METTL8: variants seen among roughly 807,000 people sequenced by gnomAD.
METTL8 encodes the protein tRNA N(3)-cytidine methyltransferase METTL8, mitochondrial.
A neutral mutation model predicts 48.7 loss-of-function variants in METTL8; 32 were observed. That is an observed-to-expected ratio of 0.66 (90% CI 0.50 to 0.88). The LOEUF (loss-of-function observed/expected upper bound fraction) is 0.88, where lower values mean the gene tolerates loss of function less well. METTL8 is among the 40% of genes least tolerant of loss of function. The pLI, the probability that METTL8 is intolerant of heterozygous loss-of-function variation, is 0.00. For synonymous variants in METTL8, 136 were observed against 157.1 expected (o/e 0.87, Z 1.01); for missense variants, 464 against 474.4 (o/e 0.98, Z 0.20).
intron 1 of METTL8, among the ~76,000 whole-genome samples, chr2:171,398,982 C>T (rs1689386070): frequency 6.6e-6 from 1 of 152,142 alleles, no homozygotes; most frequent in South Asian, 2.1e-4. Flanking sequence ...TTAAAATTTA[C>T]TATGTGAAAA....
At chr2:171,420,078 C>T (rs967678436) in intron 1 of METTL8, among the ~76,000 whole-genome samples, 5 of 151,974 alleles carry the variant, frequency 3.3e-5, no homozygotes, top group East Asian at 3.9e-4. Context: ...TGGCTGGGCA[C>T]GGTGGCTCAC....
chr2:171,363,645 T>C (rs375382607), intron 2 of METTL8, among the ~76,000 whole-genome samples: 1 of 150,898 alleles, frequency 6.6e-6, no homozygotes, highest in African/African-American at 2.4e-5. Flanking sequence ...AGCAAAAAAT[T>C]AGAAACAACT....
upstream of METTL8, chr2:171,434,586 G>T: frequency 1.3e-6 from 2 of 1,527,544 alleles, no homozygotes; most frequent in South Asian, 1.2e-5. Context: ...CCATGGGCCC[G>T]ACCCGGAAGC....
At chr2:171,387,797 T>C (rs966440313) in intron 2 of METTL8, among the ~76,000 whole-genome samples, 1 of 152,050 alleles carries the variant, frequency 6.6e-6, no homozygotes, top group African/African-American at 2.4e-5. Context: ...GTAGAACTAA[T>C]TAATTAAAAA....
intron 6 of METTL8, 91 bp downstream of exon 6, chr2:171,331,700 AGCCACCACGCCCT>A: frequency 1.1e-6 from 1 of 890,186 alleles, no homozygotes. Context: ...TACAGGTGTG[AGCCACCACGCCCT>A]GCCTCTAGTG....
chr2:171,369,563 T>C (rs891000676), intron 2 of METTL8, among the ~76,000 whole-genome samples: 3 of 152,244 alleles, frequency 2.0e-5, no homozygotes, highest in Non-Finnish European at 4.4e-5. Flanking sequence ...AATAAATGTT[T>C]TCATGTCTGA....
intron 2 of METTL8, among the ~76,000 whole-genome samples, chr2:171,373,419 A>G (rs963573185): frequency 3.3e-5 from 5 of 152,088 alleles, no homozygotes; most frequent in African/African-American, 9.7e-5. Context: ...ATTTTCTCCC[A>G]TTCTGTAGGT....
chr2:171,351,283 T>C (rs1271309032), intron 3 of METTL8, among the ~76,000 whole-genome samples: 5 of 151,994 alleles, frequency 3.3e-5, no homozygotes, highest in Non-Finnish European at 5.9e-5. Context: ...AGATGTGTGG[T>C]ATTATTTCTG....
chr2:171,387,628 A>G (rs531961273), intron 2 of METTL8, among the ~76,000 whole-genome samples: 38 of 151,966 alleles, frequency 2.5e-4, no homozygotes, highest in African/African-American at 9.2e-4. Context: ...ATTTTCATTC[A>G]CTTTTAACAT....
chr2:171,403,731 T>C (rs1044246468), intron 1 of METTL8, among the ~76,000 whole-genome samples: 3 of 151,954 alleles, frequency 2.0e-5, no homozygotes, highest in African/African-American at 7.3e-5. Flanking sequence ...AAAAGTGTTC[T>C]AAAATTAAAA....
chr2:171,340,960 G>A (rs1021408521), intron 3 of METTL8, among the ~76,000 whole-genome samples: 33 of 152,196 alleles, frequency 2.2e-4, no homozygotes, highest in African/African-American at 8.0e-4. Context: ...GTCATCCTGT[G>A]GTCAGGGTTA....
chr2:171,417,059 A>G (rs1041244449), intron 1 of METTL8, among the ~76,000 whole-genome samples: 1 of 152,368 alleles, frequency 6.6e-6, no homozygotes, highest in Non-Finnish European at 1.5e-5. Context: ...TCAGCTTAAC[A>G]AGGGAAGTGG....
At chr2:171,402,150 A>T (rs1160441216) in intron 1 of METTL8, among the ~76,000 whole-genome samples, 1 of 152,174 alleles carries the variant, frequency 6.6e-6, no homozygotes, top group Non-Finnish European at 1.5e-5. Flanking sequence ...AAGAATGAGT[A>T]ACATTCCACG....
chr2:171,363,817 T>TATATATATATGTATATATATATATATATA (rs1228494441), intron 2 of METTL8, among the ~76,000 whole-genome samples: 3 of 129,008 alleles, frequency 2.3e-5, no homozygotes, highest in Non-Finnish European at 3.3e-5. Context: ...TATATATATC[T>TATATATATATGTATATATATATATATATA]TTTTTTTTTT....
intron 2 of METTL8, among the ~76,000 whole-genome samples, chr2:171,371,673 T>TA (rs932851598): frequency 3.3e-5 from 5 of 151,166 alleles, no homozygotes; most frequent in African/African-American, 9.7e-5. Flanking sequence ...AAGGTTTTTT[T>TA]AAAAAAAACC....
In METTL8 at chr2:171,398,400, G is replaced by A. The variant is rs150485377; in HGVS notation, c.-12-6203C>T. On this transcript the variant is annotated intron_variant, in intron 1 of 9. Coordinates refer to ENST00000375258, the MANE Select transcript of METTL8 (RefSeq NM_001321154.2). ...ATATTATGCTAAGTGAAATAAGCTA[G>A]TCATAAAAGGATAGATATTGTATGA... is the stretch of plus-strand genomic sequence containing the variant. Among the ~76,000 whole-genome samples the A allele has an allele frequency of 1.4e-3, 214 of 152,248 alleles. 4 individuals are homozygous for A. In the East Asian group the frequency reaches 0.015, roughly 11 times the overall value.
chr2:171,391,368 G>A (rs1688563150), intron 2 of METTL8, among the ~76,000 whole-genome samples: 1 of 152,108 alleles, frequency 6.6e-6, no homozygotes, highest in Admixed American at 6.5e-5. Flanking sequence ...TTACTGCAGT[G>A]GTCTCAACCA....
At chr2:171,402,815 A>G (rs1248032123) in intron 1 of METTL8, among the ~76,000 whole-genome samples, 1 of 152,098 alleles carries the variant, frequency 6.6e-6, no homozygotes, top group Admixed American at 6.6e-5. Flanking sequence ...TAGTGCCAGA[A>G]AGTAAGGAAG....
At chr2:171,424,016 C>T (rs1213120100) in intron 1 of METTL8, among the ~76,000 whole-genome samples, 1 of 152,186 alleles carries the variant, frequency 6.6e-6, no homozygotes, top group African/African-American at 2.4e-5. Flanking sequence ...GTGCCCTGCA[C>T]CCCAGCTGCT....
Sources: gnomAD v4.1 joint callset for allele counts (sites outside exome capture counted in the v4.1 genomes callset) on GRCh38, gnomAD v4.1.1 for gene constraint, MANE v1.5 for transcripts, NCBI Gene and HGNC (gene_info 2026-07-23, HGNC 2026-07-21) for gene names.